The following CTNNA1 variants were observed in gnomAD, a reference collection of about 807,000 sequenced individuals.
CTNNA1 encodes the protein catenin alpha 1.
CTNNA1 carries 37 observed loss-of-function variants against 98.4 expected under a neutral mutation model. The ratio of observed to expected loss-of-function variants is 0.38; its 90% CI spans 0.29 to 0.49. CTNNA1 has a LOEUF of 0.49. CTNNA1 is among the 20% of genes least tolerant of loss of function. CTNNA1 has a pLI of 0.95. For synonymous variants in CTNNA1, 404 were observed against 413.2 expected (o/e 0.98, Z 0.27); for missense variants, 761 against 1,147.2 (o/e 0.66, Z 4.86).
At chr5:138,832,303 T>C (rs577223192) in intron 7 of CTNNA1, among the ~76,000 whole-genome samples, 17 of 152,218 alleles carry the variant, frequency 1.1e-4, no homozygotes, top group Non-Finnish European at 2.4e-4. Context: ...GACCTCTACT[T>C]ACTTAACATT....
chr5:138,759,980 CTTTTTTTTTT>C (rs70982734), intron 1 of CTNNA1, among the ~76,000 whole-genome samples: 2 of 61,244 alleles, frequency 3.3e-5, no homozygotes, highest in South Asian at 9.4e-4. Context: ...AATTTCTTTC[CTTTTTTTTTT>C]TTTTTTTTTT....
At chr5:138,889,483 A>C (rs550573811) in intron 9 of CTNNA1, among the ~76,000 whole-genome samples, 21 of 152,328 alleles carry the variant, frequency 1.4e-4, no homozygotes, top group Admixed American at 9.1e-4. Context: ...TGTGCACTCA[A>C]GCTCACTGGC....
At chr5:138,919,345 T>C (rs1762441477) in intron 11 of CTNNA1, among the ~76,000 whole-genome samples, 1 of 152,202 alleles carries the variant, frequency 6.6e-6, no homozygotes, top group African/African-American at 2.4e-5. Context: ...TTCTTAAAGT[T>C]ACTTTTTTGA....
intron 7 of CTNNA1, chr5:138,870,404 A>C (rs1033158381): frequency 2.0e-5 from 3 of 152,260 alleles, no homozygotes; most frequent in African/African-American, 7.2e-5. Flanking sequence ...CTTTTCTTAA[A>C]GGACATTACC....
intron 10 of CTNNA1, chr5:138,904,673 TG>T (rs1225486762): frequency 2.0e-6 from 1 of 510,968 alleles, no homozygotes; most frequent in Admixed American, 3.5e-5. Flanking sequence ...AAATGCACAG[TG>T]GGCTGGGCAC....
intron 7 of CTNNA1, chr5:138,880,987 A>G: frequency 2.2e-6 from 1 of 447,192 alleles, no homozygotes; most frequent in Non-Finnish European, 4.5e-6. Flanking sequence ...AAGAAAATTC[A>G]TAAAAATTTG....
At chr5:138,823,819 T>C (rs1760313427) in intron 5 of CTNNA1, among the ~76,000 whole-genome samples, 1 of 149,408 alleles carries the variant, frequency 6.7e-6, no homozygotes, top group South Asian at 2.1e-4. Flanking sequence ...TAGCCGGGCG[T>C]AGTGGCGGGC....
intron 13 of CTNNA1, among the ~76,000 whole-genome samples, chr5:138,925,663 A>G (rs1260428935): frequency 4.6e-5 from 7 of 152,248 alleles, no homozygotes; most frequent in Admixed American, 4.6e-4. Context: ...TCTCTACAAC[A>G]TGAGGCTTCA....
At chr5:138,910,232 T>C (rs997834442) in intron 10 of CTNNA1, among the ~76,000 whole-genome samples, 12 of 140,106 alleles carry the variant, frequency 8.6e-5, no homozygotes, top group African/African-American at 1.6e-4. Context: ...TTTTCTTTTT[T>C]TTTTTTTTTT....
chr5:138,865,854 A>G (rs1764704143), intron 7 of CTNNA1, among the ~76,000 whole-genome samples: 1 of 152,222 alleles, frequency 6.6e-6, no homozygotes, highest in Non-Finnish European at 1.5e-5. Context: ...ACTGTATAGA[A>G]GTAGGTTATG....
intron 2 of CTNNA1, chr5:138,782,315 A>G (rs1009995268): frequency 1.6e-5 from 8 of 506,754 alleles, no homozygotes; most frequent in African/African-American, 1.5e-4. Context: ...TCAGAGGGGA[A>G]ACCCAAGAAA....
intron 1 of CTNNA1, among the ~76,000 whole-genome samples, chr5:138,765,698 C>T (rs952699279): frequency 6.6e-6 from 1 of 151,902 alleles, no homozygotes; most frequent in Non-Finnish European, 1.5e-5. Context: ...TGCCTGTAAT[C>T]CCAGCACTTT....
chr5:138,909,363 CT>C (rs1160009869), intron 10 of CTNNA1, among the ~76,000 whole-genome samples: 130 of 144,366 alleles, frequency 9.0e-4, no homozygotes, highest in Admixed American at 1.1e-3. Context: ...CCCCCCCACC[CT>C]TTTTTTTTTT....
intron 2 of CTNNA1, among the ~76,000 whole-genome samples, chr5:138,782,833 A>G (rs936558485): frequency 1.3e-5 from 2 of 152,228 alleles, no homozygotes; most frequent in Non-Finnish European, 2.9e-5. Context: ...AGCTAAGTTC[A>G]TTGTTAACCT....
In CTNNA1 at chr5:138,904,692, C is replaced by T. The variant is rs1758792681; in HGVS notation, c.1389+251C>T. 1.9e-5 allele frequency: 8 copies of T among 411,264 alleles called. No individual in the cohort carries two copies. The East Asian group carries it at 2.0e-4, about 10-fold the overall frequency. The allele number at this position is 411,264 out of a possible 1,614,324, so 25.5% of individuals were successfully genotyped here. On this transcript the variant is annotated intron_variant, in intron 10 of 17. Transcript: ENST00000302763. ...GCACAGTGGGCTGGGCACGGTGGCTCACGCCTGTAATCGCAGCACTTTGGG... is the reference window on the plus strand; with the variant it reads ...GCACAGTGGGCTGGGCACGGTGGCTTACGCCTGTAATCGCAGCACTTTGGG...
chr5:138,783,640 C>A (rs1293150708), intron 3 of CTNNA1, among the ~76,000 whole-genome samples: 1 of 152,160 alleles, frequency 6.6e-6, no homozygotes, highest in Non-Finnish European at 1.5e-5. Context: ...AGAGGGACAT[C>A]TGGAGAATCT....
chr5:138,775,714 CTTTTTTTTTTT>C (rs750615535), intron 1 of CTNNA1, among the ~76,000 whole-genome samples: 46 of 82,504 alleles, frequency 5.6e-4, no homozygotes, highest in African/African-American at 1.3e-3. Context: ...GGAAATATTT[CTTTTTTTTTTT>C]TTTTTTTTTT....
chr5:138,780,485 G>A (rs1281999526), intron 1 of CTNNA1, among the ~76,000 whole-genome samples: 2 of 151,418 alleles, frequency 1.3e-5, no homozygotes, highest in Non-Finnish European at 2.9e-5. Flanking sequence ...GAGCCACTGC[G>A]CCTGGCCAAG....
intron 7 of CTNNA1, among the ~76,000 whole-genome samples, chr5:138,831,381 A>C (rs1034451198): frequency 3.3e-5 from 5 of 152,190 alleles, no homozygotes; most frequent in African/African-American, 1.2e-4. Flanking sequence ...TCCAGTGTGC[A>C]ACTAAGGTGG....
Sources: gnomAD v4.1 joint callset for allele counts (sites outside exome capture counted in the v4.1 genomes callset) on GRCh38, gnomAD v4.1.1 for gene constraint, MANE v1.5 for transcripts, NCBI Gene and HGNC (gene_info 2026-07-23, HGNC 2026-07-21) for gene names.